CLK2: variants seen among roughly 807,000 people sequenced by gnomAD.
CLK2 encodes dual specificity protein kinase CLK2.
A neutral mutation model predicts 73.5 loss-of-function variants in CLK2; 12 were observed. The observed-to-expected ratio is 0.16, with a 90% confidence interval of 0.10 to 0.26. The LOEUF is 0.26. CLK2 is among the 10% of genes least tolerant of loss of function. The pLI is 1.00. For missense variants in CLK2, 509 were observed against 688.4 expected, an observed-to-expected ratio of 0.74 and a Z score of 2.92; for synonymous variants, 232 against 237.9, an observed-to-expected ratio of 0.98 and a Z score of 0.23.
rs1421524896 is a variant in CLK2, at chr1:155,263,106, A to C, written c.*112T>G. On this transcript the variant is annotated 3_prime_UTR_variant, in exon 13 of 13. Transcript: ENST00000368361. ...TTCACATATTCACAGGTATATAGAGAGCCAGGAGGAAGGAGTGAACTCTGG... is the reference window on the plus strand; with the variant it reads ...TTCACATATTCACAGGTATATAGAGCGCCAGGAGGAAGGAGTGAACTCTGG... The C allele has an allele frequency of 2.0e-6, 2 of 997,190 alleles. No individual in the cohort carries two copies. Among genetic ancestry groups the C allele is most frequent in the Non-Finnish European group, 2.9e-6 (2 of 694,058 alleles). 61.8% of individuals were successfully genotyped at this position (997,190 alleles called of 1,614,324 possible).
At chr1:155,266,060 G>A in intron 7 of CLK2, 106 bp from the exon 8 acceptor site, 1 of 765,414 alleles carries the variant, frequency 1.3e-6, no homozygotes, top group Non-Finnish European at 2.4e-6. Flanking sequence ...GAGGAGACAG[G>A]TCCAGAATCA....
rs1170929960 is a variant in CLK2, at chr1:155,263,688, G to GTTTATTCT, written c.1317+254_1317+261dup. On this transcript the variant is annotated intron_variant, in intron 12 of 12. Coordinates refer to ENST00000368361, the MANE Select transcript of CLK2 (RefSeq NM_001294338.2). Reference sequence around the variant, plus strand: ...TTAAAATGTAAGCTCTTCAAAGGTAGTTTATTCTTTTCTGTCTGACCTAAA... The same window carrying GTTTATTCT: ...TTAAAATGTAAGCTCTTCAAAGGTAGTTTATTCTTTTATTCTTTTCTGTCTGACCTAAA... 3.0e-6 allele frequency: 3 copies of GTTTATTCT among 985,304 alleles called. No individual in the cohort carries two copies. The East Asian group carries it at 3.4e-4, about 112-fold the overall frequency. 61.0% of individuals were successfully genotyped at this position (985,304 alleles called of 1,614,324 possible).
intron 8 of CLK2, among the ~76,000 whole-genome samples, chr1:155,265,174 G>A (rs1352529891): frequency 5.3e-5 from 8 of 152,240 alleles, no homozygotes; most frequent in African/African-American, 1.4e-4. Flanking sequence ...GTAGCAAAGG[G>A]GTCAAAGGAG....
At chr1:155,270,737 C>T in intron 2 of CLK2, 71 bp downstream of exon 2, 1 of 1,499,076 alleles carries the variant, frequency 6.7e-7, no homozygotes. Flanking sequence ...AGCATATAAC[C>T]AATAAGTATT....
intron 1 of CLK2, among the ~76,000 whole-genome samples, chr1:155,271,646 C>T (rs1236254164): frequency 2.0e-5 from 3 of 152,168 alleles, no homozygotes; most frequent in Admixed American, 6.5e-5. Context: ...AGTGTATCCC[C>T]GTTCAGGATC....
At chr1:155,272,419 C>A (rs546330832) in intron 1 of CLK2, among the ~76,000 whole-genome samples, 1 of 151,634 alleles carries the variant, frequency 6.6e-6, no homozygotes, top group East Asian at 1.9e-4. Flanking sequence ...TTTTTTCCTT[C>A]AAGGAAAAAA....
intron 7 of CLK2, among the ~76,000 whole-genome samples, chr1:155,266,416 CTTT>C (rs1673235286): frequency 6.6e-6 from 1 of 152,110 alleles, no homozygotes. Context: ...ATTTTTGTCT[CTTT>C]ATGTTTGCTG....
intron 1 of CLK2, among the ~76,000 whole-genome samples, chr1:155,271,773 G>A (rs1365114433): frequency 6.6e-6 from 1 of 152,138 alleles, no homozygotes. Context: ...TCCTCAAGTA[G>A]ACTATCAGTG....
intron 6 of CLK2, among the ~76,000 whole-genome samples, chr1:155,267,643 T>C (rs560516843): frequency 6.6e-6 from 1 of 152,322 alleles, no homozygotes; most frequent in Non-Finnish European, 1.5e-5. Flanking sequence ...GTGAACAAAA[T>C]ATTACTGCAT....
chr1:155,268,876 T>A lies in CLK2; in HGVS notation c.400-81A>T. On this transcript the variant is annotated intron_variant, in intron 3 of 12. Coordinates refer to ENST00000368361, the MANE Select transcript of CLK2 (RefSeq NM_001294338.2). The surrounding 1 kb of genome is among the most constrained non-coding windows in gnomAD (Gnocchi z 5.6). ...GGAGGCGGGGTGGGTGGTAGAGGGG[T>A]CACCGGTCACAGGCGCCCAGCCAGG... 1.2e-6 allele frequency: 1 copy of A among 812,238 alleles called. No homozygotes were observed. The highest frequency in any genetic ancestry group is 2.1e-6 in the Non-Finnish European group (1 of 487,198). The allele number at this position is 812,238 out of a possible 1,614,324, so 50.3% of individuals were successfully genotyped here.
chr1:155,263,567 A>G, intron 12 of CLK2, 167 bp from the exon 13 acceptor site: 1 of 985,378 alleles, frequency 1.0e-6, no homozygotes, highest in Non-Finnish European at 1.2e-6. Flanking sequence ...TTATAGCTCA[A>G]CCTACCTTCC....
chr1:155,272,017 T>TG (rs1491565544), intron 1 of CLK2, among the ~76,000 whole-genome samples: 4 of 36,318 alleles, frequency 1.1e-4, no homozygotes, highest in South Asian at 6.5e-4. Flanking sequence ...GTTTCTTGTG[T>TG]TTTTTTTTTT....
intron 1 of CLK2, among the ~76,000 whole-genome samples, chr1:155,271,726 GATAA>G (rs1673519111): frequency 6.6e-6 from 1 of 152,166 alleles, no homozygotes; most frequent in Non-Finnish European, 1.5e-5. Context: ...TTACAGTTAT[GATAA>G]ATGTTGTACA....
chr1:155,269,181 C>A lies in CLK2; in HGVS notation c.399+307G>T. On this transcript the variant is annotated intron_variant, in intron 3 of 12. Coordinates refer to ENST00000368361, the MANE Select transcript of CLK2 (RefSeq NM_001294338.2). ...GAGCCCAGGGCTTGGGGGAAAAAGG[C>A]AGTTCACAAGCAAGGTCCCCATTAA... is the stretch of plus-strand genomic sequence containing the variant. The A allele has an allele frequency of 5.2e-6, 3 of 580,240 alleles. No homozygotes were observed. The East Asian group carries it at 8.7e-5, about 17-fold the overall frequency. 35.9% of individuals were successfully genotyped at this position (580,240 alleles called of 1,614,324 possible).
rs1673336839 is a variant in CLK2, at chr1:155,268,495, A to G, written c.488-136T>C. On this transcript the variant is annotated intron_variant, in intron 4 of 12. Coordinates refer to ENST00000368361, the MANE Select transcript of CLK2 (RefSeq NM_001294338.2). The surrounding 1 kb of genome is among the most constrained non-coding windows in gnomAD (Gnocchi z 5.6). ...AACAGATACAGATGGTCACAGGGGA[A>G]GAAAACCCCTGCGTGATTCCCACCA... 5.0e-6 allele frequency: 4 copies of G among 797,962 alleles called. No individual in the cohort carries two copies. The highest frequency in any genetic ancestry group is 8.5e-6 in the Non-Finnish European group (4 of 469,570). The allele number at this position is 797,962 out of a possible 1,614,324, so 49.4% of individuals were successfully genotyped here.
chr1:155,270,905 G>C lies in CLK2; in HGVS notation c.73C>G (p.Arg25Gly). 1 of 1,614,112 alleles carries C rather than the reference G, an allele frequency of 6.2e-7. No individual in the cohort carries two copies. The highest frequency in any genetic ancestry group is 1.7e-5 in the Admixed American group (1 of 60,014). Reference protein sequence around the residue: ...RGSYREHYRSRKHKRRRSRSW... With the variant: ...RGSYREHYRSGKHKRRRSRSW... ...CGACTTCTTCGTCGCTTATGCTTTC[G>C]GCTCCGATAGTGTTCACGGTAACTC... Residue 25 changes from arginine to glycine, a missense_variant, in exon 2 of 13, where the codon CGA (arginine) becomes GGA (glycine). This residue lies in a region of CLK2 where 222 missense variants were observed against 221.7 expected (regional missense o/e 1.00). Coordinates refer to ENST00000368361, the MANE Select transcript of CLK2 (RefSeq NM_001294338.2).
chr1:155,265,751 GA>G, intron 8 of CLK2, 108 bp downstream of exon 8: 3 of 799,822 alleles, frequency 3.8e-6, no homozygotes. Flanking sequence ...CAGACAGGGA[GA>G]AAATGTGGGA....
At position 155,268,770 on chromosome 1, in the gene CLK2, C is replaced by G. The variant is rs1673346083; in HGVS notation, c.425G>C (p.Ser142Thr). 2 of 1,613,240 alleles carry G rather than the reference C, an allele frequency of 1.2e-6. No homozygotes were observed. Among genetic ancestry groups the G allele is most frequent in the Middle Eastern group, 3.3e-4 (2 of 6,062 alleles). ...GTGGCCCTCAGCGTCGTCCTCTACA[C>G]TCTTGGCTCTCCGGCTGCTGTGCTG... is the stretch of plus-strand genomic sequence containing the variant. ...SSQHSSRRAK[S>T]VEDDAEGHLI... Residue 142 changes from serine to threonine, a missense_variant, in exon 4 of 13, where the codon AGT becomes ACT. Ser to Thr is a moderately conservative substitution (Grantham distance 58). Around this residue, in one of 6 missense-constraint regions of CLK2, gnomAD observed 222 missense variants for 221.7 expected, o/e 1.00. Coordinates refer to ENST00000368361, the MANE Select transcript of CLK2 (RefSeq NM_001294338.2). This position sits in a 1 kb window ranked among gnomAD's most constrained non-coding sequence, Gnocchi z 5.6.
intron 7 of CLK2, 45 bp from the exon 8 acceptor site, chr1:155,265,999 G>A (rs750716826): frequency 1.5e-6 from 2 of 1,353,782 alleles, no homozygotes; most frequent in Non-Finnish European, 2.1e-6. Context: ...GGTGGCCAGA[G>A]CTAACTGGTA....
Sources: allele counts gnomAD v4.1 joint callset (sites outside exome capture counted in the v4.1 genomes callset), GRCh38; gene constraint gnomAD v4.1.1; regional missense constraint gnomAD v4.1.1; non-coding constraint Gnocchi (gnomAD v3.1); transcripts MANE v1.5; gene names NCBI Gene and HGNC (gene_info 2026-07-23, HGNC 2026-07-21).